Variants in NPAS3 observed in about 807,000 individuals in gnomAD.
The protein encoded by NPAS3 is neuronal PAS domain-containing protein 3.
In NPAS3, 14 loss-of-function variants were observed where a neutral mutation model predicts 73.1. The ratio of observed to expected loss-of-function variants is 0.19; its 90% CI spans 0.13 to 0.30. The LOEUF is 0.30. Ranked by LOEUF, NPAS3 falls within the 10% of genes least tolerant of loss-of-function variation. The probability of loss-of-function intolerance (pLI) is 1.00; values close to 1 mark genes in which losing one functional copy is unlikely to be tolerated. For synonymous variants in NPAS3, 620 were observed against 541.5 expected, an observed-to-expected ratio of 1.14 and a Z score of -2.01; for missense variants, 1,096 against 1,250.0, an observed-to-expected ratio of 0.88 and a Z score of 1.86.
At chr14:33,309,837 G>A (rs1000003520) in intron 3 of NPAS3, among the ~76,000 whole-genome samples, 9 of 152,144 alleles carry the variant, frequency 5.9e-5, no homozygotes, top group African/African-American at 1.4e-4. Context: ...GTTAAAAGGC[G>A]AATGCTCAGC....
At chr14:33,087,445 A>G (rs181152090) in intron 2 of NPAS3, among the ~76,000 whole-genome samples, 201 of 152,022 alleles carry the variant, frequency 1.3e-3, no homozygotes, top group African/African-American at 4.7e-3. Flanking sequence ...CTTCTGTGCA[A>G]ATGATACCAT....
intron 3 of NPAS3, among the ~76,000 whole-genome samples, chr14:33,348,939 T>C (rs1290835122): frequency 6.6e-6 from 1 of 152,150 alleles, no homozygotes; most frequent in Non-Finnish European, 1.5e-5. Flanking sequence ...CCTCCTGTCA[T>C]TTCCTACTTG....
At chr14:33,118,137 C>G (rs939307783) in intron 2 of NPAS3, among the ~76,000 whole-genome samples, 3 of 151,012 alleles carry the variant, frequency 2.0e-5, no homozygotes, top group Non-Finnish European at 4.4e-5. Context: ...TCTTTTTTTC[C>G]TCTCTCTCAG....
chr14:33,701,362 A>G (rs912288660), intron 6 of NPAS3, among the ~76,000 whole-genome samples: 1 of 152,226 alleles, frequency 6.6e-6, no homozygotes, highest in Non-Finnish European at 1.5e-5. Context: ...TTATTAAAGC[A>G]TAGATTGTTA....
chr14:33,349,275 G>A (rs186929869), intron 3 of NPAS3, among the ~76,000 whole-genome samples: 4 of 152,230 alleles, frequency 2.6e-5, no homozygotes, highest in South Asian at 2.1e-4. Context: ...AAACAGTTTC[G>A]TCCAGAAATG....
At position 32,981,664 on chromosome 14, in the gene NPAS3, C is replaced by G. The variant is rs570662871; in HGVS notation, c.50+42298C>G. 4.4e-4 allele frequency among the ~76,000 whole-genome samples: 67 copies of G among 152,220 alleles called. 2 individuals are homozygous for G. In the South Asian group the frequency reaches 0.014, roughly 31 times the overall value. On this transcript the variant is annotated intron_variant, in intron 1 of 11. Transcript: ENST00000356141. ...ATCTCTGTTGAGTCTTTTTGTCAAG[C>G]CGAAAAAGATTCCTTAATGTATCAC... is the stretch of plus-strand genomic sequence containing the variant.
intron 5 of NPAS3, among the ~76,000 whole-genome samples, chr14:33,565,852 C>G (rs968637005): frequency 2.0e-5 from 3 of 151,846 alleles, no homozygotes; most frequent in East Asian, 1.9e-4. Context: ...TGCTTTATGG[C>G]CCCCCTTTTC....
intron 3 of NPAS3, among the ~76,000 whole-genome samples, chr14:33,343,492 T>G (rs2044584251): frequency 6.6e-6 from 1 of 152,220 alleles, no homozygotes; most frequent in Non-Finnish European, 1.5e-5. Flanking sequence ...CTCTCTTTTC[T>G]GTCTGGCCCC....
intron 2 of NPAS3, among the ~76,000 whole-genome samples, chr14:33,203,145 G>A (rs1005762830): frequency 6.6e-6 from 1 of 152,210 alleles, no homozygotes; most frequent in African/African-American, 2.4e-5. Flanking sequence ...ATGAAATAAA[G>A]TGAGTTGCCA....
At chr14:33,704,212 A>C (rs868706581) in intron 6 of NPAS3, among the ~76,000 whole-genome samples, 1 of 152,254 alleles carries the variant, frequency 6.6e-6, no homozygotes, top group Admixed American at 6.5e-5. Flanking sequence ...ATAACAAATT[A>C]GATGGCTAAT....
chr14:33,660,676 G>A (rs1180636801), intron 5 of NPAS3, among the ~76,000 whole-genome samples: 1 of 152,204 alleles, frequency 6.6e-6, no homozygotes, highest in African/African-American at 2.4e-5. Context: ...CCTTGCAACA[G>A]GCAGGTACAC....
intron 3 of NPAS3, among the ~76,000 whole-genome samples, chr14:33,259,743 G>T (rs151155507): frequency 6.6e-6 from 1 of 152,152 alleles, no homozygotes; most frequent in Non-Finnish European, 1.5e-5. Flanking sequence ...GACACAGCAT[G>T]GTGCTTGTGA....
rs537992108 is a variant in NPAS3, at chr14:33,379,423, T to C, written c.468+12155T>C. 3.5e-4 allele frequency among the ~76,000 whole-genome samples: 54 copies of C among 152,334 alleles called. 1 individual carries two copies. The highest frequency in any genetic ancestry group is 1.3e-3 in the African/African-American group (53 of 41,578). ...AAAAACTTTCTTATTGTGTAGGTTT[T>C]TATACCTCTCTGGTAATGTGTGTAA... On this transcript the variant is annotated intron_variant, in intron 4 of 11. Coordinates refer to ENST00000356141, the Ensembl canonical transcript of NPAS3.
intron 4 of NPAS3, among the ~76,000 whole-genome samples, chr14:33,480,828 C>G (rs2051291067): frequency 6.6e-6 from 1 of 151,930 alleles, no homozygotes; most frequent in Non-Finnish European, 1.5e-5. Flanking sequence ...GTTCATTTCT[C>G]TGCATTGACA....
chr14:33,360,628 C>G (rs542489986), intron 3 of NPAS3, among the ~76,000 whole-genome samples: 1 of 152,060 alleles, frequency 6.6e-6, no homozygotes, highest in Admixed American at 6.5e-5. Context: ...GACTAAAGTC[C>G]CACCCCCCAA....
intron 3 of NPAS3, among the ~76,000 whole-genome samples, chr14:33,347,047 G>C (rs35682965): frequency 4.9e-4 from 75 of 152,216 alleles, no homozygotes; most frequent in South Asian, 2.3e-3. Flanking sequence ...CCTTGAAAGA[G>C]TTCCATGCTC....
intron 3 of NPAS3, among the ~76,000 whole-genome samples, chr14:33,250,969 G>A (rs1369218864): frequency 6.6e-6 from 1 of 151,896 alleles, no homozygotes; most frequent in African/African-American, 2.4e-5. Context: ...TCTCAAAAGG[G>A]GTATAAATTC....
At chr14:33,223,611 A>G (rs114141025) in intron 3 of NPAS3, among the ~76,000 whole-genome samples, 4 of 152,262 alleles carry the variant, frequency 2.6e-5, no homozygotes, top group African/African-American at 9.6e-5. Flanking sequence ...CAAAGTCCCA[A>G]TTCCTCAGAA....
chr14:33,599,513 C>T (rs2057340052), intron 5 of NPAS3, among the ~76,000 whole-genome samples: 1 of 152,126 alleles, frequency 6.6e-6, no homozygotes, highest in South Asian at 2.1e-4. Context: ...CTAAATTTGT[C>T]ATTATAGCTT....
Sources: allele counts gnomAD v4.1 joint callset (sites outside exome capture counted in the v4.1 genomes callset), GRCh38; gene constraint gnomAD v4.1.1; transcripts MANE v1.5; gene names NCBI Gene and HGNC (gene_info 2026-07-23, HGNC 2026-07-21).